The following PIK3C2G variants were observed in gnomAD, a reference collection of about 807,000 sequenced individuals.
PIK3C2G encodes the protein phosphatidylinositol-4-phosphate 3-kinase catalytic subunit type 2 gamma.
PIK3C2G carries 168 observed loss-of-function variants against 181.1 expected under a neutral mutation model. The ratio of observed to expected loss-of-function variants is 0.93; its 90% confidence interval spans 0.82 to 1.05. The LOEUF (loss-of-function observed/expected upper bound fraction) is 1.05. PIK3C2G is among the 50% of genes least tolerant of loss of function. The pLI, the probability that PIK3C2G is intolerant of heterozygous loss-of-function variation, is 0.00. For missense variants in PIK3C2G, 1,869 were observed against 1,732.8 expected (o/e 1.08, Z -1.40); for synonymous variants, 573 against 592.2 (o/e 0.97, Z 0.47).
At chr12:18,593,493 CAG>C (rs2136486794) in intron 29 of PIK3C2G, among the ~76,000 whole-genome samples, 1 of 151,892 alleles carries the variant, frequency 6.6e-6, no homozygotes, top group South Asian at 2.1e-4. Context: ...AGCCATTGGA[CAG>C]AGTGAGAGAA....
chr12:18,445,474 G>A (rs932849381), intron 18 of PIK3C2G, among the ~76,000 whole-genome samples: 2 of 151,714 alleles, frequency 1.3e-5, no homozygotes, highest in Non-Finnish European at 2.9e-5. Context: ...AAACAGAATC[G>A]CAAATTGAAG....
chr12:18,638,660 A>G (rs552243792), intron 31 of PIK3C2G, among the ~76,000 whole-genome samples: 14 of 152,238 alleles, frequency 9.2e-5, no homozygotes, highest in Admixed American at 6.5e-4. Context: ...TAACACCCTT[A>G]CAGACAAACC....
intron 18 of PIK3C2G, among the ~76,000 whole-genome samples, chr12:18,481,099 AT>A (rs34743372): frequency 0.57 from 85,819 of 151,334 alleles, 24,790 homozygotes; most frequent in East Asian, 0.83. Flanking sequence ...CATCCAGCTA[AT>A]TTTTTTTGTA....
chr12:18,556,341 G>A (rs1416873174), intron 26 of PIK3C2G, among the ~76,000 whole-genome samples: 2 of 152,110 alleles, frequency 1.3e-5, no homozygotes, highest in African/African-American at 4.8e-5. Flanking sequence ...TGTTTTGTCT[G>A]ACCCGTTAAG....
intron 22 of PIK3C2G, among the ~76,000 whole-genome samples, chr12:18,499,741 AC>A (rs939187134): frequency 6.6e-6 from 1 of 152,144 alleles, no homozygotes; most frequent in African/African-American, 2.4e-5. Context: ...TTTCTTATGC[AC>A]CCTTGTCTGA....
intron 24 of PIK3C2G, among the ~76,000 whole-genome samples, chr12:18,523,219 C>T (rs977495849): frequency 2.0e-5 from 3 of 152,126 alleles, no homozygotes; most frequent in African/African-American, 7.2e-5. Flanking sequence ...TTTTATCAGA[C>T]ATTTCATAGT....
chr12:18,657,541 G>A, the PIK3C2G span, among the ~76,000 whole-genome samples: 6 of 152,010 alleles, frequency 3.9e-5, no homozygotes, highest in South Asian at 2.1e-4. Context: ...TGTTGTTTTC[G>A]GCTCCAGTAG....
chr12:18,267,325 T>C (rs1229314104), intron 1 of PIK3C2G, among the ~76,000 whole-genome samples: 2 of 152,138 alleles, frequency 1.3e-5, no homozygotes, highest in East Asian at 3.8e-4. Flanking sequence ...TGCTACTTTT[T>C]AATTTTATAG....
At chr12:18,316,069 T>G (rs192919216) in intron 6 of PIK3C2G, among the ~76,000 whole-genome samples, 1 of 152,190 alleles carries the variant, frequency 6.6e-6, no homozygotes, top group East Asian at 1.9e-4. Context: ...TTAAATGAAT[T>G]AATTGACAGT....
At chr12:18,246,807 C>T (rs1948044704), upstream of PIK3C2G, among the ~76,000 whole-genome samples, 1 of 152,130 alleles carries the variant, frequency 6.6e-6, no homozygotes. Flanking sequence ...TCTAGGACAA[C>T]CTCTCCTCAC....
the PIK3C2G span, among the ~76,000 whole-genome samples, chr12:18,695,940 CAAACCATCACT>C: frequency 6.6e-6 from 1 of 151,986 alleles, no homozygotes; most frequent in Non-Finnish European, 1.5e-5. Context: ...CACCATTCCC[CAAACCATCACT>C]GAGATTTACC....
intron 7 of PIK3C2G, among the ~76,000 whole-genome samples, chr12:18,324,286 T>C (rs1951238557): frequency 6.6e-6 from 1 of 152,166 alleles, no homozygotes; most frequent in Non-Finnish European, 1.5e-5. Context: ...CACTGACTTT[T>C]ACATATTCTA....
At chr12:18,396,207 T>G (rs1189039598) in intron 15 of PIK3C2G, among the ~76,000 whole-genome samples, 1 of 151,538 alleles carries the variant, frequency 6.6e-6, no homozygotes, top group Non-Finnish European at 1.5e-5. Context: ...AGCAATTAGA[T>G]TAAACATTTT....
At chr12:18,489,506 C>A (rs1350491140) in intron 19 of PIK3C2G, among the ~76,000 whole-genome samples, 1 of 152,000 alleles carries the variant, frequency 6.6e-6, no homozygotes, top group Non-Finnish European at 1.5e-5. Flanking sequence ...GAACTCACTT[C>A]ATTTAGTAGA....
At chr12:18,353,636 A>T (rs1940440514) in intron 11 of PIK3C2G, among the ~76,000 whole-genome samples, 1 of 152,106 alleles carries the variant, frequency 6.6e-6, no homozygotes, top group Non-Finnish European at 1.5e-5. Context: ...TACTGTAAAA[A>T]CCGAGTTGGC....
chr12:18,622,360 T>C (rs539634072), intron 31 of PIK3C2G, among the ~76,000 whole-genome samples: 2 of 152,058 alleles, frequency 1.3e-5, no homozygotes, highest in African/African-American at 4.8e-5. Flanking sequence ...TCTCCAGTTC[T>C]ATTCATGTTA....
intron 1 of PIK3C2G, among the ~76,000 whole-genome samples, chr12:18,261,965 T>C (rs987199655): frequency 1.3e-5 from 2 of 152,174 alleles, no homozygotes; most frequent in Non-Finnish European, 2.9e-5. Context: ...TGTACACTTT[T>C]AGTGTCTTGA....
At chr12:18,661,497 T>G in the PIK3C2G span, among the ~76,000 whole-genome samples, 1 of 152,102 alleles carries the variant, frequency 6.6e-6, no homozygotes, top group Non-Finnish European at 1.5e-5. Context: ...ATGAATCCTG[T>G]ATCTAGCAAA....
intron 10 of PIK3C2G, among the ~76,000 whole-genome samples, chr12:18,345,494 T>C (rs1456233051): frequency 6.6e-6 from 1 of 152,132 alleles, no homozygotes; most frequent in Admixed American, 6.5e-5. Context: ...AACAAAAATG[T>C]TTAATTATAG....
Sources: gnomAD v4.1 joint callset for allele counts (sites outside exome capture counted in the v4.1 genomes callset) on GRCh38, gnomAD v4.1.1 for gene constraint, MANE v1.5 for transcripts, NCBI Gene and HGNC (gene_info 2026-07-23, HGNC 2026-07-21) for gene names.